Variants in RPS6KA3 observed in about 807,000 individuals in gnomAD.
The protein encoded by RPS6KA3 is ribosomal protein S6 kinase A3, also known as ribosomal protein S6 kinase alpha-3.
RPS6KA3 carries 4 observed loss-of-function variants against 67.2 expected under a neutral mutation model. The observed-to-expected ratio is 0.06, with a 90% CI of 0.03 to 0.14. The LOEUF (loss-of-function observed/expected upper bound fraction) is 0.14, where lower values mean the gene tolerates loss of function less well. RPS6KA3 is among the 10% of genes least tolerant of loss of function. RPS6KA3 has a pLI of 1.00. For missense variants in RPS6KA3, 204 were observed against 559.0 expected, an observed-to-expected ratio of 0.36 and a Z score of 6.40; for synonymous variants, 182 against 183.7, an observed-to-expected ratio of 0.99 and a Z score of 0.07.
chrX:20,222,054 C>T (rs2148760854), intron 2 of RPS6KA3, among the ~76,000 whole-genome samples: 1 of 112,714 alleles, frequency 8.9e-6, no homozygotes, highest in African/African-American at 3.2e-5. Context: ...ATGGCTACCG[C>T]CGAGTTGAGT....
rs747935061 is a variant in RPS6KA3 at position 20,192,853 on chromosome X, G to A, written c.593+634C>T. 1.9e-4 allele frequency among the ~76,000 whole-genome samples: 21 copies of A among 110,377 alleles called. No individual in the cohort carries two copies. The East Asian group carries it at 4.5e-3, about 24-fold the overall frequency. On this transcript the variant is annotated intron_variant, in intron 7 of 21. Transcript: ENST00000379565. ...TGCAATTCAGCCTCCCAAAGTGCTCGGGTTACATGTGTGAGCCACCATGCC... is the reference window on the plus strand; with the variant it reads ...TGCAATTCAGCCTCCCAAAGTGCTCAGGTTACATGTGTGAGCCACCATGCC...
intron 9 of RPS6KA3, among the ~76,000 whole-genome samples, chrX:20,187,499 C>T (rs780069017): frequency 4.5e-5 from 5 of 111,948 alleles, no homozygotes; most frequent in Admixed American, 1.9e-4. Context: ...CCACTGCACT[C>T]GGCCAAACGA....
intron 2 of RPS6KA3, among the ~76,000 whole-genome samples, chrX:20,219,315 T>C (rs1334918682): frequency 9.0e-6 from 1 of 111,614 alleles, no homozygotes; most frequent in Non-Finnish European, 1.9e-5. Flanking sequence ...AGTGTGTTTA[T>C]ACACACACTC....
intron 10 of RPS6KA3, among the ~76,000 whole-genome samples, chrX:20,183,025 G>A (rs774479911): frequency 9.0e-6 from 1 of 110,695 alleles, no homozygotes; most frequent in Non-Finnish European, 1.9e-5. Flanking sequence ...TCTGATTAAC[G>A]AGGTTGAGTA....
intron 17 of RPS6KA3, among the ~76,000 whole-genome samples, chrX:20,166,737 A>ATTTTT (rs2067449085): frequency 3.0e-5 from 1 of 33,813 alleles, no homozygotes; most frequent in Non-Finnish European, 4.9e-5. Flanking sequence ...TTTTTTTTTG[A>ATTTTT]GATGGAGTCT....
chrX:20,195,639 G>T (rs1033204895), intron 4 of RPS6KA3, among the ~76,000 whole-genome samples: 1 of 112,060 alleles, frequency 8.9e-6, no homozygotes, highest in Middle Eastern at 4.6e-3. Flanking sequence ...GAAGAAGAAA[G>T]GAAGCAAGAG....
intron 4 of RPS6KA3, among the ~76,000 whole-genome samples, chrX:20,198,203 G>A (rs1569226492): frequency 8.9e-6 from 1 of 111,888 alleles, no homozygotes; most frequent in African/African-American, 3.3e-5. Flanking sequence ...TGGAAAAACT[G>A]CATAAACTCA....
chrX:20,191,974 C>T (rs1056919190), intron 7 of RPS6KA3, among the ~76,000 whole-genome samples: 5 of 110,179 alleles, frequency 4.5e-5, no homozygotes, highest in African/African-American at 6.6e-5. Context: ...CCATGTTGGC[C>T]GGGCTGGTCT....
At chrX:20,194,993 G>T in intron 5 of RPS6KA3, 72 bp downstream of exon 5, 1 of 610,116 alleles carries the variant, frequency 1.6e-6, no homozygotes, top group Non-Finnish European at 2.8e-6. Context: ...ATTTATATTA[G>T]TTTATCTGAA....
chrX:20,226,804 T>C (rs1421593579), intron 2 of RPS6KA3, among the ~76,000 whole-genome samples: 1 of 111,840 alleles, frequency 8.9e-6, no homozygotes, highest in East Asian at 2.8e-4. Context: ...AATAACCTTA[T>C]AATACTTTCT....
chrX:20,167,197 C>G (rs1345030969), intron 17 of RPS6KA3, among the ~76,000 whole-genome samples: 1 of 111,706 alleles, frequency 9.0e-6, no homozygotes, highest in East Asian at 2.8e-4. Context: ...ATCCACCAGC[C>G]GAAGCATGTG....
At chrX:20,210,011 A>G (rs867843584) in intron 2 of RPS6KA3, among the ~76,000 whole-genome samples, 2 of 112,204 alleles carry the variant, frequency 1.8e-5, no homozygotes, top group African/African-American at 6.5e-5. Context: ...GAGTAACTCT[A>G]AAACACAAAA....
rs2067082855 is a variant in RPS6KA3 at position 20,150,321 on chromosome X, TTAAG to T, written c.*5073_*5076del. The T allele has an allele frequency of 8.9e-6, 1 of 112,565 alleles. No homozygotes were observed. Among genetic ancestry groups the T allele is most frequent in the African/African-American group, 3.2e-5 (1 of 30,952 alleles). 9.3% of individuals were successfully genotyped at this position (112,565 alleles called of 1,213,427 possible). ...GATTTTTTTCTTTTTTAAAAACTAT[TTAAG>T]TAGGCACCCACCCCATTCCCACCCA... On this transcript the variant is annotated 3_prime_UTR_variant, in exon 22 of 22. Coordinates refer to ENST00000379565, the MANE Select transcript of RPS6KA3 (RefSeq NM_004586.3).
intron 14 of RPS6KA3, among the ~76,000 whole-genome samples, chrX:20,174,576 T>C (rs1326276080): frequency 9.2e-6 from 1 of 108,893 alleles, no homozygotes; most frequent in African/African-American, 3.4e-5. Context: ...CTCGAACTCC[T>C]GACCTTGTGA....
At chrX:20,218,845 G>A (rs746039352) in intron 2 of RPS6KA3, 14 of 1,195,465 alleles carry the variant, frequency 1.2e-5, no homozygotes, top group African/African-American at 8.8e-5. Context: ...ACATGGCTAC[G>A]AAACCATGAT....
intron 1 of RPS6KA3, among the ~76,000 whole-genome samples, chrX:20,260,687 G>T (rs761137096): frequency 1.8e-5 from 2 of 111,708 alleles, no homozygotes; most frequent in Admixed American, 9.5e-5. Context: ...ATGATTCATT[G>T]TAACTATTGT....
intron 21 of RPS6KA3, among the ~76,000 whole-genome samples, 157 bp downstream of exon 21, chrX:20,155,952 A>C (rs772652918): frequency 3.6e-5 from 4 of 112,268 alleles, no homozygotes; most frequent in African/African-American, 1.3e-4. Flanking sequence ...TAATATATTG[A>C]TATGCCTTGA....
At chrX:20,216,604 A>G (rs2068857940) in intron 2 of RPS6KA3, among the ~76,000 whole-genome samples, 1 of 110,756 alleles carries the variant, frequency 9.0e-6, no homozygotes, top group Non-Finnish European at 1.9e-5. Context: ...GTAATTTTCA[A>G]TAAAGAAGTC....
At chrX:20,242,637 C>A (rs1281577139) in intron 1 of RPS6KA3, among the ~76,000 whole-genome samples, 1 of 111,478 alleles carries the variant, frequency 9.0e-6, no homozygotes. Context: ...TGACGGAAAC[C>A]ATTCCAAAAG....
Sources: allele counts gnomAD v4.1 joint callset (sites outside exome capture counted in the v4.1 genomes callset), GRCh38; gene constraint gnomAD v4.1.1; transcripts MANE v1.5; gene names NCBI Gene and HGNC (gene_info 2026-07-23, HGNC 2026-07-21).